Variants in GABRG3 observed in about 807,000 individuals in gnomAD.
The protein encoded by GABRG3 is gamma-aminobutyric acid type A receptor subunit gamma3, also known as gamma-aminobutyric acid receptor subunit gamma-3.
GABRG3 carries 25 observed loss-of-function variants against 48.8 expected under a neutral mutation model. That is an observed-to-expected ratio of 0.51 (90% confidence interval 0.37 to 0.72). GABRG3 has a LOEUF of 0.72. GABRG3 is among the 30% of genes least tolerant of loss of function. GABRG3 has a pLI of 0.00. For missense variants in GABRG3, 394 were observed against 577.9 expected, an observed-to-expected ratio of 0.68 and a Z score of 3.26; for synonymous variants, 227 against 217.6, an observed-to-expected ratio of 1.04 and a Z score of -0.38.
At chr15:27,411,038 A>C (rs917612622) in intron 5 of GABRG3, among the ~76,000 whole-genome samples, 3 of 152,180 alleles carry the variant, frequency 2.0e-5, no homozygotes, top group African/African-American at 7.2e-5. Context: ...AGCCCTGCAC[A>C]TGAGTATGCC....
chr15:26,975,656 T>C lies in GABRG3; in HGVS notation c.54-1346T>C, dbSNP rs1405588705. On this transcript the variant is annotated intron_variant, in intron 1 of 9. Transcript: ENST00000615808. This position sits in a 1 kb window ranked among gnomAD's most constrained non-coding sequence, Gnocchi z 4.6. ...AGTGGAAAAAATGAATATGAAATTTTATTTTTTAAATTAACATCTTGTTAA... is the reference window on the plus strand; with the variant it reads ...AGTGGAAAAAATGAATATGAAATTTCATTTTTTAAATTAACATCTTGTTAA... Among the ~76,000 whole-genome samples, 1 of 152,226 alleles carries C rather than the reference T, an allele frequency of 6.6e-6. No homozygotes were observed. The highest frequency in any genetic ancestry group is 1.9e-4 in the East Asian group (1 of 5,194).
At chr15:27,496,422 T>C (rs1425758991) in intron 6 of GABRG3, among the ~76,000 whole-genome samples, 1 of 152,188 alleles carries the variant, frequency 6.6e-6, no homozygotes, top group Non-Finnish European at 1.5e-5. Flanking sequence ...CTAGAGAGAA[T>C]CAGCCTTTGT....
chr15:27,010,795 C>G (rs1483201989), intron 2 of GABRG3, among the ~76,000 whole-genome samples: 3 of 152,150 alleles, frequency 2.0e-5, no homozygotes, highest in Non-Finnish European at 4.4e-5. Flanking sequence ...AGATCTGGTC[C>G]TTGACATAAC....
chr15:27,425,751 T>C (rs989169416), intron 5 of GABRG3, among the ~76,000 whole-genome samples: 3 of 152,202 alleles, frequency 2.0e-5, no homozygotes, highest in African/African-American at 7.2e-5. Context: ...TCTTATTACT[T>C]CTCCTTGGAG....
At chr15:26,993,158 A>C (rs1895278015) in intron 2 of GABRG3, among the ~76,000 whole-genome samples, 1 of 152,008 alleles carries the variant, frequency 6.6e-6, no homozygotes, top group Non-Finnish European at 1.5e-5. Context: ...AAAAAAACCA[A>C]CTTTTTGTTT....
chr15:27,500,684 T>C (rs1173778174), intron 6 of GABRG3, among the ~76,000 whole-genome samples: 6 of 152,222 alleles, frequency 3.9e-5, no homozygotes. Context: ...CTCCATGTTC[T>C]CATTTATTTT....
At chr15:26,981,885 T>C (rs1390268142) in intron 2 of GABRG3, among the ~76,000 whole-genome samples, 1 of 152,202 alleles carries the variant, frequency 6.6e-6, no homozygotes, top group African/African-American at 2.4e-5. Flanking sequence ...CTATGCTGAT[T>C]CCAGTAGCCA....
intron 5 of GABRG3, among the ~76,000 whole-genome samples, chr15:27,379,669 G>T (rs1325877758): frequency 2.0e-5 from 3 of 152,092 alleles, no homozygotes; most frequent in African/African-American, 7.2e-5. Context: ...CATTTTTGAA[G>T]GGTAGTTTTC....
At chr15:27,377,803 T>G (rs946055901) in intron 5 of GABRG3, among the ~76,000 whole-genome samples, 3 of 152,236 alleles carry the variant, frequency 2.0e-5, no homozygotes, top group African/African-American at 4.8e-5. Flanking sequence ...TATAACACTT[T>G]GTAAAGCTTG....
chr15:27,438,798 C>A (rs1280979534), intron 5 of GABRG3, among the ~76,000 whole-genome samples: 1 of 152,162 alleles, frequency 6.6e-6, no homozygotes, highest in Admixed American at 6.5e-5. Context: ...TTATGATTTT[C>A]TATAACAAGT....
chr15:27,380,829 A>G (rs566430870), intron 5 of GABRG3, among the ~76,000 whole-genome samples: 5 of 148,792 alleles, frequency 3.4e-5, no homozygotes, highest in South Asian at 2.1e-4. Flanking sequence ...GCAGTGGCGT[A>G]ATCTCGGCTC....
At chr15:27,509,205 T>G (rs895232631) in intron 6 of GABRG3, among the ~76,000 whole-genome samples, 3 of 152,194 alleles carry the variant, frequency 2.0e-5, no homozygotes, top group Admixed American at 2.0e-4. Flanking sequence ...TTTTTGCTCC[T>G]CTGGTGAGGG....
At chr15:27,055,144 T>G (rs1400807748) in intron 3 of GABRG3, among the ~76,000 whole-genome samples, 1 of 151,962 alleles carries the variant, frequency 6.6e-6, no homozygotes, top group African/African-American at 2.4e-5. Context: ...AGAGACTCCG[T>G]GTCCCACACC....
At chr15:27,358,743 A>G (rs1894924417) in intron 5 of GABRG3, among the ~76,000 whole-genome samples, 1 of 152,230 alleles carries the variant, frequency 6.6e-6, no homozygotes, top group South Asian at 2.1e-4. Flanking sequence ...ATTCAAACAC[A>G]CAGATCAAGC....
Position 26,987,820 on chromosome 15 carries a change from G to A in GABRG3, c.202+10670G>A, listed in dbSNP as rs150310246. 7.8e-3 allele frequency among the ~76,000 whole-genome samples: 1,180 copies of A among 152,208 alleles called. 7 individuals carry two copies. Among genetic ancestry groups the A allele is most frequent in the Non-Finnish European group, 0.013 (856 of 68,008 alleles). On this transcript the variant is annotated intron_variant, in intron 2 of 9. Transcript: ENST00000615808. ...TTTAGTGTCATTAATTTCCTCCTGT[G>A]TATTACTTTATTAGCATCCTATAGA...
intron 5 of GABRG3, among the ~76,000 whole-genome samples, chr15:27,376,995 C>G (rs1456487186): frequency 6.6e-6 from 1 of 152,172 alleles, no homozygotes; most frequent in Non-Finnish European, 1.5e-5. Context: ...ACACCCAACT[C>G]ACCTCTTGAA....
chr15:27,294,226 T>C (rs1891900444), intron 3 of GABRG3, among the ~76,000 whole-genome samples: 1 of 147,524 alleles, frequency 6.8e-6, no homozygotes, highest in Non-Finnish European at 1.5e-5. Context: ...CTTTTTCCTT[T>C]TTTTTTTTTT....
At chr15:27,391,601 G>A (rs944003947) in intron 5 of GABRG3, among the ~76,000 whole-genome samples, 7 of 152,120 alleles carry the variant, frequency 4.6e-5, no homozygotes, top group African/African-American at 1.7e-4. Context: ...CTGTGACCTG[G>A]GGAACATGGG....
At chr15:27,298,175 C>G (rs531620119) in intron 3 of GABRG3, among the ~76,000 whole-genome samples, 209 of 152,152 alleles carry the variant, frequency 1.4e-3, no homozygotes, top group African/African-American at 4.7e-3. Context: ...GATTATCAGA[C>G]TGAATAAAAA....
Sources: gnomAD v4.1 joint callset for allele counts (sites outside exome capture counted in the v4.1 genomes callset) on GRCh38, gnomAD v4.1.1 for gene constraint, Gnocchi (gnomAD v3.1) non-coding constraint, MANE v1.5 for transcripts, NCBI Gene and HGNC (gene_info 2026-07-23, HGNC 2026-07-21) for gene names.